Variants in RASA1 observed in about 807,000 individuals in gnomAD.
RASA1 encodes RAS p21 protein activator 1.
RASA1 carries 25 observed loss-of-function variants against 132.2 expected under a neutral mutation model. The ratio of observed to expected loss-of-function variants is 0.19; its 90% confidence interval spans 0.14 to 0.26. The LOEUF (loss-of-function observed/expected upper bound fraction) is 0.26. Among genes scored for constraint, RASA1 ranks in the 10% least tolerant of loss-of-function variants. The probability of loss-of-function intolerance (pLI) is 1.00; values close to 1 mark genes in which losing one functional copy is unlikely to be tolerated. For missense variants in RASA1, 964 were observed against 1,299.2 expected (o/e 0.74, Z 3.97); for synonymous variants, 477 against 449.9 (o/e 1.06, Z -0.76).
intron 7 of RASA1, 101 bp downstream of exon 7, chr5:87,346,825 T>C: frequency 8.4e-6 from 7 of 832,120 alleles, no homozygotes; most frequent in Non-Finnish European, 1.4e-5. Context: ...TCAGTTAGTG[T>C]TTATGCATGT....
At chr5:87,338,806 T>C (rs191452840) in intron 5 of RASA1, among the ~76,000 whole-genome samples, 11 of 151,966 alleles carry the variant, frequency 7.2e-5, no homozygotes, top group Admixed American at 6.6e-4. Flanking sequence ...AATATATATA[T>C]AATTTTCCAG....
chr5:87,287,298 C>CAT (rs1754653993), intron 1 of RASA1, among the ~76,000 whole-genome samples: 1 of 142,588 alleles, frequency 7.0e-6, no homozygotes, highest in Admixed American at 7.0e-5. Context: ...ATATATACAC[C>CAT]ATATATACAC....
intron 6 of RASA1, among the ~76,000 whole-genome samples, chr5:87,343,582 A>G (rs1381055957): frequency 6.6e-6 from 1 of 152,184 alleles, no homozygotes; most frequent in African/African-American, 2.4e-5. Flanking sequence ...AATGCTAGTG[A>G]GGATGTGGAG....
intron 11 of RASA1, among the ~76,000 whole-genome samples, chr5:87,366,132 C>T (rs887499464): frequency 4.6e-5 from 7 of 152,178 alleles, no homozygotes; most frequent in South Asian, 2.1e-4. Context: ...CAGTAAACTT[C>T]GTCAAATTAT....
intron 6 of RASA1, among the ~76,000 whole-genome samples, chr5:87,343,851 A>G (rs1028674153): frequency 2.6e-5 from 4 of 152,182 alleles, no homozygotes; most frequent in African/African-American, 9.6e-5. Context: ...TAAAGAAAAT[A>G]TAGTACATAT....
chr5:87,359,581 A>T (rs1484730335), intron 9 of RASA1, among the ~76,000 whole-genome samples: 1 of 152,162 alleles, frequency 6.6e-6, no homozygotes, highest in Admixed American at 6.5e-5. Flanking sequence ...ACATGTCTTA[A>T]ATGACAGACT....
chr5:87,361,185 C>T (rs962859330), intron 9 of RASA1, among the ~76,000 whole-genome samples: 4 of 152,288 alleles, frequency 2.6e-5, no homozygotes, highest in African/African-American at 9.6e-5. Context: ...CCACAGACAG[C>T]ATGTTAGGGA....
chr5:87,316,221 G>A (rs1756324352), intron 1 of RASA1, among the ~76,000 whole-genome samples: 1 of 152,238 alleles, frequency 6.6e-6, no homozygotes, highest in South Asian at 2.1e-4. Flanking sequence ...TGTAATAGAT[G>A]TGCCCTCTAA....
At chr5:87,362,904 TTC>T (rs1441600121) in intron 10 of RASA1, among the ~76,000 whole-genome samples, 4 of 149,996 alleles carry the variant, frequency 2.7e-5, no homozygotes, top group South Asian at 2.1e-4. Flanking sequence ...CTTTCTTTCT[TTC>T]TTTTTTTTTT....
chr5:87,346,226 AAAGT>A (rs1193388499), intron 6 of RASA1, among the ~76,000 whole-genome samples: 1 of 152,050 alleles, frequency 6.6e-6, no homozygotes, highest in African/African-American at 2.4e-5. Context: ...GACTTTCAGC[AAAGT>A]AAGAGTCAAT....
intron 5 of RASA1, among the ~76,000 whole-genome samples, chr5:87,338,502 TA>T (rs1379103503): frequency 9.5e-4 from 8 of 8,420 alleles, no homozygotes; most frequent in East Asian, 2.9e-3. Context: ...CAGCTAATTT[TA>T]TATATATATA....
chr5:87,338,536 A>ATATATATATATTTTTTTTTTTTTTTT, intron 5 of RASA1, among the ~76,000 whole-genome samples: 1 of 85,214 alleles, frequency 1.2e-5, no homozygotes, highest in African/African-American at 4.4e-5. Flanking sequence ...TATATATAAA[A>ATATATATATATTTTTTTTTTTTTTTT]TTTTTTTTTT....
intron 10 of RASA1, 130 bp from the exon 11 acceptor site, chr5:87,363,218 A>G (rs928423204): frequency 1.4e-5 from 12 of 840,548 alleles, no homozygotes; most frequent in Non-Finnish European, 9.2e-6. Context: ...TCATTATGTA[A>G]GAATTGGCAT....
intron 1 of RASA1, among the ~76,000 whole-genome samples, chr5:87,301,989 A>C (rs1030979868): frequency 2.6e-5 from 4 of 152,172 alleles, no homozygotes; most frequent in African/African-American, 9.6e-5. Context: ...ACTATTACAG[A>C]TAGCATTGCT....
chr5:87,338,536 A>ATATATTTTTTTT, intron 5 of RASA1, among the ~76,000 whole-genome samples: 9 of 85,216 alleles, frequency 1.1e-4, no homozygotes, highest in African/African-American at 3.5e-4. Context: ...TATATATAAA[A>ATATATTTTTTTT]TTTTTTTTTT....
intron 1 of RASA1, among the ~76,000 whole-genome samples, chr5:87,315,282 G>C (rs1756239968): frequency 6.6e-6 from 1 of 152,198 alleles, no homozygotes; most frequent in Admixed American, 6.5e-5. Flanking sequence ...AGGGGGGTTG[G>C]CATCTAGCAA....
At chr5:87,298,506 G>A (rs1452305260) in intron 1 of RASA1, among the ~76,000 whole-genome samples, 1 of 152,090 alleles carries the variant, frequency 6.6e-6, no homozygotes, top group African/African-American at 2.4e-5. Flanking sequence ...GTTTTAAAGG[G>A]GTTAAAAAGA....
At chr5:87,343,060 G>A (rs969169512) in intron 6 of RASA1, among the ~76,000 whole-genome samples, 3 of 152,042 alleles carry the variant, frequency 2.0e-5, no homozygotes, top group Non-Finnish European at 2.9e-5. Flanking sequence ...TTTATTTTAT[G>A]TGTATGTTTG....
intron 1 of RASA1, among the ~76,000 whole-genome samples, chr5:87,315,826 A>G (rs756197655): frequency 2.0e-5 from 3 of 152,208 alleles, no homozygotes; most frequent in Non-Finnish European, 2.9e-5. Flanking sequence ...TTTTACTTCA[A>G]AAACAATGTT....
Sources: gnomAD v4.1 joint callset for allele counts (sites outside exome capture counted in the v4.1 genomes callset) on GRCh38, gnomAD v4.1.1 for gene constraint, MANE v1.5 for transcripts, NCBI Gene and HGNC (gene_info 2026-07-23, HGNC 2026-07-21) for gene names.